NRF1: variants seen among roughly 807,000 people sequenced by gnomAD.
The protein encoded by NRF1 is nuclear respiratory factor 1, also known as alpha palindromic-binding protein.
Under a neutral mutation model 58.5 loss-of-function variants are expected in NRF1, and 5 were observed. The observed-to-expected ratio is 0.09, with a 90% confidence interval of 0.04 to 0.18. NRF1 has a LOEUF of 0.18. Among genes scored for constraint, NRF1 ranks in the 10% least tolerant of loss-of-function variants. The pLI, the probability that NRF1 is intolerant of heterozygous loss-of-function variation, is 1.00. For synonymous variants in NRF1, 224 were observed against 246.7 expected, an observed-to-expected ratio of 0.91 and a Z score of 0.86; for missense variants, 288 against 657.7, an observed-to-expected ratio of 0.44 and a Z score of 6.15.
chr7:129,676,958 T>G (rs1382438072), intron 3 of NRF1, among the ~76,000 whole-genome samples: 2 of 151,078 alleles, frequency 1.3e-5, no homozygotes, highest in Non-Finnish European at 1.5e-5. Context: ...CCCCTTTTAT[T>G]AAGCATGGAG....
chr7:129,717,121 G>A (rs922697753), intron 8 of NRF1, 98 bp from the exon 9 acceptor site: 17 of 1,179,506 alleles, frequency 1.4e-5, no homozygotes, highest in Non-Finnish European at 2.0e-5. Flanking sequence ...TAAAGAGTAT[G>A]TGTATTTAGC....
At chr7:129,627,021 C>A (rs1800934819) in intron 1 of NRF1, among the ~76,000 whole-genome samples, 1 of 152,206 alleles carries the variant, frequency 6.6e-6, no homozygotes, top group Admixed American at 6.5e-5. Context: ...ATAAGTATTA[C>A]ATGCACATGG....
chr7:129,675,895 C>G (rs1471724502), intron 3 of NRF1, among the ~76,000 whole-genome samples: 1 of 152,234 alleles, frequency 6.6e-6, no homozygotes, highest in Non-Finnish European at 1.5e-5. Context: ...CTTCTCCTCT[C>G]TAGCTAGGAA....
At chr7:129,663,373 G>A (rs935947479) in intron 2 of NRF1, among the ~76,000 whole-genome samples, 10 of 149,422 alleles carry the variant, frequency 6.7e-5, no homozygotes, top group Non-Finnish European at 1.0e-4. Flanking sequence ...CTTCCCAGAC[G>A]GGGTGGTGGC....
At position 129,628,034 on chromosome 7, in the gene NRF1, CTTTTTTTTT is replaced by C. The variant is rs67262888; in HGVS notation, c.-7+16229_-7+16237del. Among the ~76,000 whole-genome samples, 215 of 72,102 alleles carry C rather than the reference CTTTTTTTTT, an allele frequency of 3.0e-3. 1 individual carries two copies. Among genetic ancestry groups the C allele is most frequent in the African/African-American group, 8.9e-3 (189 of 21,152 alleles). The allele number at this position is 72,102 out of a possible 152,430, so 47.3% of individuals were successfully genotyped here. A position where few individuals can be genotyped will look rare whatever the true frequency, so the allele number is the denominator to read the frequency against. ...CTTACTGTACTATAAGCCAATGGTT[CTTTTTTTTT>C]TTTTTTTTTTTTTTTTTTGAGACGG... On this transcript the variant is annotated intron_variant, in intron 1 of 10. Transcript: ENST00000393232.
chr7:129,672,450 G>T (rs1198561060), intron 3 of NRF1, among the ~76,000 whole-genome samples: 4 of 152,066 alleles, frequency 2.6e-5, no homozygotes, highest in Admixed American at 6.6e-5. Flanking sequence ...TATTTTTAAA[G>T]AATCACTCAG....
intron 10 of NRF1, among the ~76,000 whole-genome samples, chr7:129,745,452 T>C (rs1803952019): frequency 6.6e-6 from 1 of 151,968 alleles, no homozygotes; most frequent in Non-Finnish European, 1.5e-5. Context: ...CACGAACCTA[T>C]TGTGAACTGA....
At chr7:129,639,545 CTT>C (rs11325662) in intron 1 of NRF1, among the ~76,000 whole-genome samples, 3,950 of 123,844 alleles carry the variant, frequency 0.032, 88 homozygotes, top group African/African-American at 0.079. Context: ...CCCCACAACC[CTT>C]TTTTTTTTTT....
intron 4 of NRF1, among the ~76,000 whole-genome samples, chr7:129,683,342 A>G (rs941689698): frequency 6.0e-5 from 9 of 149,370 alleles, no homozygotes; most frequent in Non-Finnish European, 1.2e-4. Flanking sequence ...AGAGAGAGAG[A>G]GAGAAAGAGA....
chr7:129,633,977 C>T (rs1160120303), intron 1 of NRF1, among the ~76,000 whole-genome samples: 1 of 148,940 alleles, frequency 6.7e-6, no homozygotes, highest in African/African-American at 2.5e-5. Flanking sequence ...ATCCCTGTAC[C>T]CCACTTTGAC....
At chr7:129,697,844 C>T (rs977864354) in intron 5 of NRF1, among the ~76,000 whole-genome samples, 7 of 152,076 alleles carry the variant, frequency 4.6e-5, no homozygotes, top group Non-Finnish European at 8.8e-5. Flanking sequence ...AAGCGATTCT[C>T]CTGCCTCAGC....
chr7:129,664,390 A>T (rs538446621), intron 2 of NRF1, among the ~76,000 whole-genome samples: 25 of 152,290 alleles, frequency 1.6e-4, no homozygotes, highest in Middle Eastern at 3.4e-3. Flanking sequence ...ATTAATGATG[A>T]GGAGTGGCCA....
In NRF1 at chr7:129,716,011, AC is replaced by A. The variant is rs79394013; in HGVS notation, c.1066-1207del. 1.4e-3 allele frequency among the ~76,000 whole-genome samples: 206 copies of A among 148,966 alleles called. 5 individuals carry two copies. The highest frequency in any genetic ancestry group is 2.0e-3 in the East Asian group (10 of 5,084). ...CAAGAGCAAAACTCCGTCTCCAACA[AC>A]AAAAAAAAAAAAGCCATTCTATGCA... is the stretch of plus-strand genomic sequence containing the variant. On this transcript the variant is annotated intron_variant, in intron 8 of 10. Coordinates refer to ENST00000393232, the MANE Select transcript of NRF1 (RefSeq NM_005011.5).
intron 9 of NRF1, among the ~76,000 whole-genome samples, chr7:129,724,200 CA>C (rs1311467282): frequency 6.6e-6 from 1 of 152,152 alleles, no homozygotes; most frequent in African/African-American, 2.4e-5. Flanking sequence ...TCAACAACAA[CA>C]AAAACTCTAT....
intron 4 of NRF1, among the ~76,000 whole-genome samples, chr7:129,683,339 GA>G (rs1394255350): frequency 1.3e-5 from 2 of 150,366 alleles, no homozygotes; most frequent in Non-Finnish European, 3.0e-5. Context: ...GAGAGAGAGA[GA>G]GAGAGAAAGA....
intron 10 of NRF1, among the ~76,000 whole-genome samples, chr7:129,734,754 G>T (rs529402310): frequency 6.6e-6 from 1 of 152,366 alleles, no homozygotes; most frequent in South Asian, 2.1e-4. Flanking sequence ...CTTCTTGACT[G>T]GAGTTGGGTG....
chr7:129,618,172 A>T (rs1323468865), intron 1 of NRF1, among the ~76,000 whole-genome samples: 1 of 150,962 alleles, frequency 6.6e-6, no homozygotes, highest in Non-Finnish European at 1.5e-5. Context: ...ACAATTGAGT[A>T]AAGAGTTAAA....
chr7:129,689,092 C>T (rs1584642761), intron 4 of NRF1, among the ~76,000 whole-genome samples: 1 of 152,008 alleles, frequency 6.6e-6, no homozygotes, highest in South Asian at 2.1e-4. Context: ...TATTAGAGAC[C>T]AGGATACAAC....
At chr7:129,616,892 C>G (rs1172462167) in intron 1 of NRF1, among the ~76,000 whole-genome samples, 1 of 152,044 alleles carries the variant, frequency 6.6e-6, no homozygotes, top group Admixed American at 6.6e-5. Context: ...GAAGATGATA[C>G]TAGTAAAATA....
Sources: allele counts gnomAD v4.1 joint callset (sites outside exome capture counted in the v4.1 genomes callset), GRCh38; gene constraint gnomAD v4.1.1; transcripts MANE v1.5; gene names NCBI Gene and HGNC (gene_info 2026-07-23, HGNC 2026-07-21).